The following EXD1 variants were observed in gnomAD, a reference collection of about 807,000 sequenced individuals.
EXD1 encodes exonuclease 3'-5' domain containing 1, also known as piRNA biogenesis protein EXD1.
A neutral mutation model predicts 49.1 loss-of-function variants in EXD1; 63 were observed. That is an observed-to-expected ratio of 1.28 (90% CI 1.05 to 1.58). The LOEUF (loss-of-function observed/expected upper bound fraction) is 1.58. Among genes scored for constraint, EXD1 ranks in the 40% most tolerant of loss-of-function variants. The pLI is 0.00. For missense variants in EXD1, 748 were observed against 666.0 expected, an observed-to-expected ratio of 1.12 and a Z score of -1.36; for synonymous variants, 234 against 239.2, an observed-to-expected ratio of 0.98 and a Z score of 0.20.
rs1314843403 is a variant in EXD1 at position 41,195,819 on chromosome 15, A to G, written c.676T>C (p.Ser226Pro). 14 of 1,613,630 alleles carry G rather than the reference A, an allele frequency of 8.7e-6. No individual in the cohort carries two copies. The highest frequency in any genetic ancestry group is 1.1e-5 in the Non-Finnish European group (13 of 1,179,962). ...HDCRWLSDCL[S>P]HQYGILLNNV... ...TTCAGCAAAATTCCATACTGATGAG[A>G]GAGGCAATCAGAAAGCCAACGACAA... Residue 226 changes from serine to proline, a missense_variant, in exon 9 of 12, where the codon TCT (serine) becomes CCT (proline). Coordinates refer to ENST00000458580, the MANE Select transcript of EXD1 (RefSeq NM_001286441.2).
At position 41,198,710 on chromosome 15, in the gene EXD1, T is replaced by A. The variant is rs200394854; in HGVS notation, c.535-2673A>T. On this transcript the variant is annotated intron_variant, in intron 7 of 11. Coordinates refer to ENST00000458580, the MANE Select transcript of EXD1 (RefSeq NM_001286441.2). ...TTTTTATTTTTTAATTAAAAAAAATTTTTTTTTTTTTTAAGACAGAGTTTC... is the reference window on the plus strand; with the variant it reads ...TTTTTATTTTTTAATTAAAAAAAATATTTTTTTTTTTTAAGACAGAGTTTC... 5.1e-3 allele frequency among the ~76,000 whole-genome samples: 690 copies of A among 135,480 alleles called. 2 individuals are homozygous for A. Among genetic ancestry groups the A allele is most frequent in the South Asian group, 0.021 (94 of 4,478 alleles). 88.9% of individuals were successfully genotyped at this position (135,480 alleles called of 152,430 possible).
chr15:41,226,238 C>G (rs372897950), intron 2 of EXD1, among the ~76,000 whole-genome samples: 1 of 151,282 alleles, frequency 6.6e-6, no homozygotes, highest in Non-Finnish European at 1.5e-5. Context: ...GGCAACAGAG[C>G]GAGACTCCAT....
chr15:41,229,790 A>C (rs2047211272), intron 1 of EXD1, among the ~76,000 whole-genome samples: 1 of 150,770 alleles, frequency 6.6e-6, no homozygotes, highest in African/African-American at 2.5e-5. Context: ...ACAACAACAA[A>C]CAAACAAAAC....
chr15:41,212,844 G>C (rs567215520), intron 6 of EXD1, among the ~76,000 whole-genome samples: 1 of 152,222 alleles, frequency 6.6e-6, no homozygotes, highest in South Asian at 2.1e-4. Flanking sequence ...TTTGAGACCA[G>C]CTTAGGCAAC....
chr15:41,209,778 C>CCT (rs1555416113), intron 6 of EXD1, among the ~76,000 whole-genome samples, 191 bp from the exon 7 acceptor site: 1 of 150,890 alleles, frequency 6.6e-6, no homozygotes, highest in Non-Finnish European at 1.5e-5. Flanking sequence ...ACTTCTGATT[C>CCT]TTTTTTTTTG....
intron 6 of EXD1, among the ~76,000 whole-genome samples, chr15:41,211,810 AAAAG>A (rs945667911): frequency 2.0e-5 from 3 of 151,716 alleles, no homozygotes; most frequent in African/African-American, 7.3e-5. Flanking sequence ...AAAAAAAAAA[AAAAG>A]AGCTGGGCAT....
intron 7 of EXD1, among the ~76,000 whole-genome samples, chr15:41,206,095 C>A (rs1478412162): frequency 6.6e-6 from 1 of 151,882 alleles, no homozygotes; most frequent in Non-Finnish European, 1.5e-5. Context: ...GGAGCAAAAT[C>A]TTTATTTATC....
rs2047059939 is a variant in EXD1 at position 41,219,854 on chromosome 15, A to T, written c.178T>A (p.Phe60Ile). ...TGRSVPGVKL[F>I]FGHEIVNVEL... ...CCATTCACAATCTCATGCCCAAAAA[A>T]CAACTTCACTCCTGGGACACTTCGA... Residue 60 changes from phenylalanine (F) to isoleucine (I), a missense_variant, in exon 3 of 12, where the codon TTT becomes ATT. Transcript: ENST00000458580. 1 of 1,535,924 alleles carries T rather than the reference A, an allele frequency of 6.5e-7. No individual in the cohort carries two copies. Among genetic ancestry groups the T allele is most frequent in the East Asian group, 2.4e-5 (1 of 40,902 alleles).
intron 7 of EXD1, among the ~76,000 whole-genome samples, chr15:41,201,453 C>G (rs1299754698): frequency 1.3e-5 from 2 of 149,678 alleles, no homozygotes; most frequent in African/African-American, 2.5e-5. Context: ...ATGCTGCTTA[C>G]AGATCAATTT....
intron 7 of EXD1, among the ~76,000 whole-genome samples, chr15:41,206,767 A>C (rs1188641687): frequency 6.7e-6 from 1 of 149,538 alleles, no homozygotes; most frequent in East Asian, 2.1e-4. Context: ...GATTATAGGC[A>C]TGCGCCACCA....
At chr15:41,204,237 G>A (rs1198301224) in intron 7 of EXD1, among the ~76,000 whole-genome samples, 2 of 114,078 alleles carry the variant, frequency 1.8e-5, no homozygotes, top group Non-Finnish European at 3.4e-5. Context: ...GACACAGCAA[G>A]ACTCTGTCTC....
chr15:41,214,224 C>T (rs567724155), intron 6 of EXD1, among the ~76,000 whole-genome samples: 2 of 151,906 alleles, frequency 1.3e-5, no homozygotes, highest in Admixed American at 1.3e-4. Flanking sequence ...AAAAATGCAT[C>T]CATGGGCCAG....
chr15:41,223,055 A>T lies in EXD1; in HGVS notation c.134-3157T>A, dbSNP rs1264127854. 2.0e-5 allele frequency among the ~76,000 whole-genome samples: 3 copies of T among 151,352 alleles called. No homozygotes were observed. In the East Asian group the frequency reaches 5.9e-4, roughly 30 times the overall value. On this transcript the variant is annotated intron_variant, in intron 2 of 11. Transcript: ENST00000458580. ...AGCCTCGAACTCCTGGGCTTAAGTG[A>T]TCCACCCACTACAGCCTCCGAATAG...
intron 7 of EXD1, among the ~76,000 whole-genome samples, chr15:41,208,723 C>G (rs1161819257): frequency 6.6e-6 from 1 of 152,010 alleles, no homozygotes; most frequent in Non-Finnish European, 1.5e-5. Flanking sequence ...TGCACCCCAG[C>G]CTGGTGACAG....
chr15:41,207,572 A>G (rs181158406), intron 7 of EXD1, among the ~76,000 whole-genome samples: 162 of 152,146 alleles, frequency 1.1e-3, no homozygotes, highest in African/African-American at 3.8e-3. Flanking sequence ...AAATAAACGT[A>G]GTGCCTCTGA....
chr15:41,206,533 A>C (rs1342734336), intron 7 of EXD1, among the ~76,000 whole-genome samples: 1 of 151,710 alleles, frequency 6.6e-6, no homozygotes, highest in Non-Finnish European at 1.5e-5. Context: ...CAATGTGTTA[A>C]AAGTAGTTGA....
chr15:41,203,058 A>G (rs1001624281), intron 7 of EXD1, among the ~76,000 whole-genome samples: 2 of 152,196 alleles, frequency 1.3e-5, no homozygotes, highest in Non-Finnish European at 2.9e-5. Context: ...GACCAGAGAT[A>G]AAGATTAAAT....
At chr15:41,204,917 A>G (rs1218567180) in intron 7 of EXD1, among the ~76,000 whole-genome samples, 1 of 152,184 alleles carries the variant, frequency 6.6e-6, no homozygotes, top group Non-Finnish European at 1.5e-5. Context: ...ATACCAGGAA[A>G]GAAGAAATAC....
chr15:41,225,024 C>T (rs548306007), intron 2 of EXD1, among the ~76,000 whole-genome samples: 2 of 152,150 alleles, frequency 1.3e-5, no homozygotes, highest in Non-Finnish European at 2.9e-5. Flanking sequence ...TGAGCTTTAT[C>T]CTTTATGATA....
Sources: allele counts gnomAD v4.1 joint callset (sites outside exome capture counted in the v4.1 genomes callset), GRCh38; gene constraint gnomAD v4.1.1; transcripts MANE v1.5; gene names NCBI Gene and HGNC (gene_info 2026-07-23, HGNC 2026-07-21).